The following SCRN1 variants were observed in gnomAD, a reference collection of about 807,000 sequenced individuals.
SCRN1 encodes the protein secernin 1, also known as secernin-1.
SCRN1 carries 19 observed loss-of-function variants against 43.3 expected under a neutral mutation model. The ratio of observed to expected loss-of-function variants is 0.44; its 90% confidence interval spans 0.31 to 0.64. The LOEUF is 0.64. Among genes scored for constraint, SCRN1 ranks in the 30% least tolerant of loss-of-function variants. SCRN1 has a pLI of 0.09. For missense variants in SCRN1, 447 were observed against 524.1 expected, an observed-to-expected ratio of 0.85 and a Z score of 1.44; for synonymous variants, 183 against 188.9, an observed-to-expected ratio of 0.97 and a Z score of 0.26.
chr7:29,957,012 G>A (rs930070207), intron 2 of SCRN1, among the ~76,000 whole-genome samples: 2 of 152,180 alleles, frequency 1.3e-5, no homozygotes, highest in Non-Finnish European at 2.9e-5. Flanking sequence ...TCCGCACTGA[G>A]TGCCAGTGGC....
At chr7:29,972,516 A>G (rs1788696393) in intron 1 of SCRN1, among the ~76,000 whole-genome samples, 1 of 152,250 alleles carries the variant, frequency 6.6e-6, no homozygotes, top group Non-Finnish European at 1.5e-5. Flanking sequence ...TATAGGCAAC[A>G]GAAGCCCAGG....
chr7:29,978,868 T>TAAA (rs1332766113), intron 1 of SCRN1, among the ~76,000 whole-genome samples: 2 of 152,202 alleles, frequency 1.3e-5, no homozygotes, highest in Non-Finnish European at 2.9e-5. Context: ...AAATATGAAT[T>TAAA]AAAGCAAAAT....
intron 3 of SCRN1, among the ~76,000 whole-genome samples, chr7:29,954,932 C>T (rs565761148): frequency 9.8e-5 from 15 of 152,286 alleles, no homozygotes; most frequent in African/African-American, 2.2e-4. Flanking sequence ...CCACCTGCCT[C>T]GGCCTCCCAA....
intron 2 of SCRN1, among the ~76,000 whole-genome samples, chr7:29,966,667 T>A (rs968798385): frequency 6.6e-6 from 1 of 152,174 alleles, no homozygotes. Context: ...CTTCTTCACC[T>A]ATACGAAAGG....
At chr7:29,935,334 G>A (rs1420595641) in intron 6 of SCRN1, among the ~76,000 whole-genome samples, 1 of 152,202 alleles carries the variant, frequency 6.6e-6, no homozygotes, top group Admixed American at 6.5e-5. Flanking sequence ...CTAGCTAGAT[G>A]CAATCACTGT....
intron 3 of SCRN1, among the ~76,000 whole-genome samples, chr7:29,949,570 T>G (rs1787849949): frequency 6.6e-6 from 1 of 151,746 alleles, no homozygotes; most frequent in Non-Finnish European, 1.5e-5. Flanking sequence ...AGATACAGAG[T>G]TTTACCATGT....
At chr7:29,976,198 T>C (rs1389116881) in intron 1 of SCRN1, among the ~76,000 whole-genome samples, 1 of 152,174 alleles carries the variant, frequency 6.6e-6, no homozygotes, top group Non-Finnish European at 1.5e-5. Context: ...ATGATAGAAA[T>C]AGTCTCTATC....
intron 5 of SCRN1, 115 bp downstream of exon 5, chr7:29,940,567 C>T (rs1787503686): frequency 1.0e-6 from 1 of 957,194 alleles, no homozygotes; most frequent in East Asian, 2.9e-5. Flanking sequence ...TCTTTACATA[C>T]AAGGACTATT....
rs1788468390 is a variant in SCRN1 at position 29,965,847 on chromosome 7, G to C, written c.159+3062C>G. On this transcript the variant is annotated intron_variant, in intron 2 of 7. Transcript: ENST00000242059. The surrounding 1 kb of genome is among the most constrained non-coding windows in gnomAD (Gnocchi z 4.2). Reference sequence around the variant, plus strand: ...AAATAATTGTAACCATGAGAGTAAAGTAAGAGTTATGTAGCCTATCCTCCA... The same window carrying C: ...AAATAATTGTAACCATGAGAGTAAACTAAGAGTTATGTAGCCTATCCTCCA... Among the ~76,000 whole-genome samples, 1 of 152,062 alleles carries C rather than the reference G, an allele frequency of 6.6e-6. No individual in the cohort carries two copies. The highest frequency in any genetic ancestry group is 2.1e-4 in the South Asian group (1 of 4,824).
chr7:29,959,960 G>A lies in SCRN1; in HGVS notation c.160-4600C>T, dbSNP rs572433384. On this transcript the variant is annotated intron_variant, in intron 2 of 7. Coordinates refer to ENST00000242059, the MANE Select transcript of SCRN1 (RefSeq NM_014766.5). ...GGAAGAAAGAAAGAAAGTGGGGGGA[G>A]GGAGGGAGGAGGGAGGGAAGGAAGA... Among the ~76,000 whole-genome samples the A allele has an allele frequency of 4.1e-5, 6 of 147,450 alleles. No individual in the cohort carries two copies. In the South Asian group the frequency reaches 1.1e-3, roughly 27 times the overall value.
rs189159194 is a variant in SCRN1, at chr7:29,954,765, C to T, written c.341+414G>A. Among the ~76,000 whole-genome samples the T allele has an allele frequency of 2.4e-4, 36 of 152,304 alleles. No individual in the cohort carries two copies. In the East Asian group the frequency reaches 6.8e-3, roughly 29 times the overall value. The stretch of plus-strand genomic sequence containing the variant: ...ACATGATCTCGGCTCACTGCAACCT[C>T]CGTCTTCCAGGTTCCAGCAATTCTC... On this transcript the variant is annotated intron_variant, in intron 3 of 7. Transcript: ENST00000242059.
At chr7:29,968,656 T>A (rs558094770) in intron 2 of SCRN1, among the ~76,000 whole-genome samples, 2 of 152,286 alleles carry the variant, frequency 1.3e-5, no homozygotes, top group South Asian at 2.1e-4. Flanking sequence ...AAATCTTGTT[T>A]TTTAGATTTG....
intron 3 of SCRN1, among the ~76,000 whole-genome samples, chr7:29,954,263 A>G (rs1267558442): frequency 6.6e-6 from 1 of 152,154 alleles, no homozygotes; most frequent in East Asian, 1.9e-4. Context: ...TAACTGAGAC[A>G]TAGAGAGGAA....
chr7:29,933,504 G>C (rs1378200109), intron 6 of SCRN1, among the ~76,000 whole-genome samples: 1 of 152,176 alleles, frequency 6.6e-6, no homozygotes, highest in Non-Finnish European at 1.5e-5. Context: ...TTTAACAAGT[G>C]CTGGCTTCCT....
At chr7:29,962,623 G>A (rs1408188684) in intron 2 of SCRN1, among the ~76,000 whole-genome samples, 2 of 152,140 alleles carry the variant, frequency 1.3e-5, no homozygotes, top group African/African-American at 4.8e-5. Flanking sequence ...AGGAGGCAGA[G>A]GTTGCAGTGA....
chr7:29,986,414 T>C (rs545126824), intron 1 of SCRN1, among the ~76,000 whole-genome samples: 31 of 152,194 alleles, frequency 2.0e-4, no homozygotes, highest in East Asian at 7.7e-4. Flanking sequence ...TTTAAATTCT[T>C]TCTTCATATT....
At chr7:29,984,957 C>A (rs1257441035) in intron 1 of SCRN1, among the ~76,000 whole-genome samples, 2 of 142,454 alleles carry the variant, frequency 1.4e-5, no homozygotes, top group African/African-American at 2.7e-5. Context: ...AAATAAGGAG[C>A]CAATTAAATA....
chr7:29,959,077 G>A (rs1253912108), intron 2 of SCRN1, among the ~76,000 whole-genome samples: 2 of 152,200 alleles, frequency 1.3e-5, no homozygotes, highest in African/African-American at 4.8e-5. Context: ...GCTTCATGCC[G>A]TCACTTCACC....
chr7:29,940,902 G>T, intron 4 of SCRN1, 26 bp from the exon 5 acceptor site: 2 of 1,456,750 alleles, frequency 1.4e-6, no homozygotes, highest in Non-Finnish European at 1.8e-6. Context: ...AGCCCCATAA[G>T]TTAAAAATAT....
Sources: allele counts gnomAD v4.1 joint callset (sites outside exome capture counted in the v4.1 genomes callset), GRCh38; gene constraint gnomAD v4.1.1; non-coding constraint Gnocchi (gnomAD v3.1); transcripts MANE v1.5; gene names NCBI Gene and HGNC (gene_info 2026-07-23, HGNC 2026-07-21).